SYNE2: variants seen among roughly 807,000 people sequenced by gnomAD.
SYNE2 encodes the protein nesprin-2.
In SYNE2, 431 loss-of-function variants were observed where a neutral mutation model predicts 856.3. The observed-to-expected ratio is 0.50, with a 90% CI of 0.47 to 0.55. SYNE2 has a LOEUF of 0.55. SYNE2 is among the 20% of genes least tolerant of loss of function. The pLI, the probability that SYNE2 is intolerant of heterozygous loss-of-function variation, is 0.00. For synonymous variants in SYNE2, 2,923 were observed against 2,872.3 expected (o/e 1.02, Z -0.56); for missense variants, 8,129 against 8,023.2 (o/e 1.01, Z -0.50).
chr14:64,000,635 A>G lies in SYNE2; in HGVS notation c.3554A>G (p.Asn1185Ser). 6.2e-7 allele frequency: 1 copy of G among 1,613,616 alleles called. No individual in the cohort carries two copies. Among genetic ancestry groups the G allele is most frequent in the Non-Finnish European group, 8.5e-7 (1 of 1,179,762 alleles). Residue 1185 changes from asparagine (N) to serine (S), a missense_variant, in exon 28 of 116, where the codon AAT (asparagine) becomes AGT (serine). Around this residue, in one of 3 missense-constraint regions of SYNE2, gnomAD observed 2,422 missense variants for 2,357.4 expected, o/e 1.03. Transcript: ENST00000555002. ...IISLKLENHV[N>S]DIKKPFVIKE... ...TCATTGAAGTTAGAAAATCATGTGA[A>G]TGACATAAAAAAGCCTTTTGTAATT...
At chr14:63,867,397 A>AGAG (rs527498272) in intron 1 of SYNE2, among the ~76,000 whole-genome samples, 1 of 148,020 alleles carries the variant, frequency 6.8e-6, no homozygotes, top group African/African-American at 2.5e-5. Flanking sequence ...AAAAAAAAAA[A>AGAG]AGAGAGAGAG....
At chr14:63,969,022 C>T in intron 11 of SYNE2, among the ~76,000 whole-genome samples, 1 of 152,198 alleles carries the variant, frequency 6.6e-6, no homozygotes, top group Non-Finnish European at 1.5e-5. Context: ...CTTCTACTGT[C>T]TGTCTCCATG....
intron 1 of SYNE2, among the ~76,000 whole-genome samples, chr14:63,869,959 T>C (rs1407242484): frequency 6.6e-6 from 1 of 152,194 alleles, no homozygotes; most frequent in Admixed American, 6.5e-5. Context: ...GACTCTGTTC[T>C]CCAAATGTCT....
chr14:63,921,655 T>C (rs766606621), intron 2 of SYNE2, among the ~76,000 whole-genome samples: 26 of 152,194 alleles, frequency 1.7e-4, no homozygotes, highest in Non-Finnish European at 2.5e-4. Context: ...AATACGTAAG[T>C]GGCCTAGGTG....
At position 64,165,469 on chromosome 14, in the gene SYNE2, A is replaced by T. The variant is rs575507854; in HGVS notation, c.16605+59A>T. The T allele has an allele frequency of 1.9e-6, 3 of 1,576,798 alleles. No homozygotes were observed. The East Asian group carries it at 6.7e-5, about 35-fold the overall frequency. ...GACTCACCATAAGGTTAAAAAAAAT[A>T]AGCTGATTACTGTGAACTTATGGAA... On this transcript the variant is annotated intron_variant, in intron 90 of 115. Coordinates refer to ENST00000555002, the MANE Select transcript of SYNE2 (RefSeq NM_182914.3).
intron 19 of SYNE2, among the ~76,000 whole-genome samples, chr14:63,988,897 A>C (rs910441648): frequency 3.9e-5 from 6 of 152,208 alleles, no homozygotes; most frequent in Admixed American, 2.0e-4. Context: ...GGTGTCTCTC[A>C]CAACTCGTGG....
At chr14:64,166,851 T>C (rs1408899665) in intron 90 of SYNE2, 2 of 258,692 alleles carry the variant, frequency 7.7e-6, no homozygotes, top group Non-Finnish European at 1.5e-5. Flanking sequence ...GAGAATCGTT[T>C]GAACCCAGGA....
intron 1 of SYNE2, among the ~76,000 whole-genome samples, chr14:63,838,574 G>A (rs1003810662): frequency 6.6e-6 from 1 of 151,908 alleles, no homozygotes; most frequent in Non-Finnish European, 1.5e-5. Context: ...GAATGCAGTG[G>A]CGCAATCATA....
chr14:64,112,987 G>A (rs752397909), intron 65 of SYNE2: 1,112 of 984,974 alleles, frequency 1.1e-3, no homozygotes, highest in Non-Finnish European at 1.3e-3. Context: ...CATGTGTCAC[G>A]TAACGCTAAA....
intron 1 of SYNE2, among the ~76,000 whole-genome samples, chr14:63,883,412 C>T (rs1431795798): frequency 6.6e-6 from 1 of 152,074 alleles, no homozygotes; most frequent in Non-Finnish European, 1.5e-5. Flanking sequence ...GGCTAGAGTG[C>T]AGTGGTACAA....
chr14:64,133,970 T>C (rs1005166058), intron 77 of SYNE2, 99 bp from the exon 78 acceptor site: 11 of 1,407,090 alleles, frequency 7.8e-6, no homozygotes, highest in Non-Finnish European at 1.1e-5. Context: ...TAATTTTGTA[T>C]GGTCTTGGTG....
chr14:63,974,835 CGTGTGTGTGTGTGTACATGTGTGTGTGT>C (rs2096521034), intron 11 of SYNE2, among the ~76,000 whole-genome samples: 1 of 113,100 alleles, frequency 8.8e-6, no homozygotes, highest in Non-Finnish European at 1.9e-5. Flanking sequence ...TGTATATAGA[CGTGTGTGTGTGTGTACATGTGTGTGTGT>C]GTGTGTGTGT....
At chr14:64,138,946 G>GTATGGTGTGTGTGTGTGTGT (rs1465109787) in intron 79 of SYNE2, among the ~76,000 whole-genome samples, 4 of 137,696 alleles carry the variant, frequency 2.9e-5, no homozygotes, top group African/African-American at 1.1e-4. Context: ...GTGTATGTAT[G>GTATGGTGTGTGTGTGTGTGT]GTGTGTGTGT....
In SYNE2 at chr14:63,856,448, C is replaced by G. The variant is rs147147654; in HGVS notation, c.-52+3305C>G. ...GCTGTTAGTCTAGTGGGAAGACAAG[C>G]TATTGCAGTATACACATGTGCTCCT... On this transcript the variant is annotated intron_variant, in intron 1 of 115. Transcript: ENST00000555002. 3.9e-3 allele frequency among the ~76,000 whole-genome samples: 593 copies of G among 152,286 alleles called. 8 individuals are homozygous for G. Among genetic ancestry groups the G allele is most frequent in the African/African-American group, 0.013 (557 of 41,578 alleles).
chr14:64,029,769 T>A (rs907768914), intron 43 of SYNE2, 126 bp from the exon 44 acceptor site: 35 of 1,151,830 alleles, frequency 3.0e-5, no homozygotes, highest in Non-Finnish European at 3.9e-5. Context: ...AGAACTCTAA[T>A]TTATAGCCGT....
At chr14:63,959,276 CTT>C (rs2096278471) in intron 8 of SYNE2, among the ~76,000 whole-genome samples, 1 of 108,324 alleles carries the variant, frequency 9.2e-6, no homozygotes, top group East Asian at 2.7e-4. Context: ...ATTCTTTTTT[CTT>C]TTCTTCTTCT....
At chr14:64,157,965 C>T (rs1227504225) in intron 85 of SYNE2, among the ~76,000 whole-genome samples, 3 of 152,164 alleles carry the variant, frequency 2.0e-5, no homozygotes, top group African/African-American at 2.4e-5. Context: ...TCTTTACATA[C>T]TCTTGATTGT....
chr14:63,956,461 A>C (rs1416678718), intron 8 of SYNE2: 1 of 456,342 alleles, frequency 2.2e-6, no homozygotes. Context: ...TTAGCAGTCA[A>C]CTCTCTTCAG....
chr14:63,858,522 T>G (rs1318621018), intron 1 of SYNE2, among the ~76,000 whole-genome samples: 1 of 151,984 alleles, frequency 6.6e-6, no homozygotes. Context: ...GTTCAAGCGA[T>G]TCTCCTGCCT....
Sources: allele counts gnomAD v4.1 joint callset (sites outside exome capture counted in the v4.1 genomes callset), GRCh38; gene constraint gnomAD v4.1.1; regional missense constraint gnomAD v4.1.1; transcripts MANE v1.5; gene names NCBI Gene and HGNC (gene_info 2026-07-23, HGNC 2026-07-21).